The following FRMD4B variants were observed in gnomAD, a reference collection of about 807,000 sequenced individuals.
FRMD4B encodes FERM domain-containing protein 4B.
In FRMD4B, 74 loss-of-function variants were observed where a neutral mutation model predicts 141.5. The ratio of observed to expected loss-of-function variants is 0.52; its 90% CI spans 0.43 to 0.63. The LOEUF (loss-of-function observed/expected upper bound fraction) is 0.63, where lower values mean the gene tolerates loss of function less well. Among genes scored for constraint, FRMD4B ranks in the 30% least tolerant of loss-of-function variants. The pLI is 0.00. For synonymous variants in FRMD4B, 506 were observed against 467.9 expected (o/e 1.08, Z -1.05); for missense variants, 1,366 against 1,253.4 (o/e 1.09, Z -1.36).
intron 7 of FRMD4B, among the ~76,000 whole-genome samples, chr3:69,244,019 T>C (rs1318511740): frequency 6.6e-6 from 1 of 152,166 alleles, no homozygotes; most frequent in Non-Finnish European, 1.5e-5. Context: ...CACTCTAGCC[T>C]GGGCGACAGA....
chr3:69,387,839 T>C (rs1198711143), upstream of FRMD4B, among the ~76,000 whole-genome samples: 2 of 152,196 alleles, frequency 1.3e-5, no homozygotes, highest in African/African-American at 2.4e-5. Flanking sequence ...TTGAATTAGT[T>C]AATAGGACAC....
intron 1 of FRMD4B, among the ~76,000 whole-genome samples, chr3:69,476,927 G>A (rs914807400): frequency 6.6e-6 from 1 of 152,108 alleles, no homozygotes; most frequent in African/African-American, 2.4e-5. Flanking sequence ...CACATCCCTT[G>A]TAAGTTGGAT....
intron 17 of FRMD4B, among the ~76,000 whole-genome samples, 155 bp downstream of exon 17, chr3:69,193,493 A>C (rs1174952534): frequency 6.6e-6 from 1 of 152,212 alleles, no homozygotes; most frequent in African/African-American, 2.4e-5. Context: ...GGGCAACAAG[A>C]GTGAAACTCT....
Position 69,183,082 on chromosome 3 carries a change from C to A in FRMD4B, c.1920-365G>T, listed in dbSNP as rs1230192260. Among the ~76,000 whole-genome samples, 4 of 152,180 alleles carry A rather than the reference C, an allele frequency of 2.6e-5. No homozygotes were observed. In the South Asian group the frequency reaches 8.3e-4, roughly 31 times the overall value. ...AGGGATGGATGTATAATTCAGCAAA[C>A]TCCTTTTTTGTAAACAGTCTAGAAT... is the stretch of plus-strand genomic sequence containing the variant. On this transcript the variant is annotated intron_variant, in intron 19 of 22. Transcript: ENST00000398540.
chr3:69,267,632 TATATAGAGAGAGAGAGAGAG>T (rs1559765485), intron 5 of FRMD4B, among the ~76,000 whole-genome samples: 57 of 10,556 alleles, frequency 5.4e-3, no homozygotes, highest in Non-Finnish European at 0.01. Flanking sequence ...TATATATATA[TATATAGAGAGAGAGAGAGAG>T]AGAGAGAGAG....
At chr3:69,297,528 C>T (rs1180686112) in intron 4 of FRMD4B, among the ~76,000 whole-genome samples, 1 of 152,094 alleles carries the variant, frequency 6.6e-6, no homozygotes, top group Admixed American at 6.6e-5. Flanking sequence ...ATGAAAGATG[C>T]CAAGATTCTG....
At chr3:69,410,236 A>G (rs925332707) in intron 2 of FRMD4B, among the ~76,000 whole-genome samples, 1 of 152,158 alleles carries the variant, frequency 6.6e-6, no homozygotes, top group Non-Finnish European at 1.5e-5. Context: ...CACTCGGGCC[A>G]ATTTCAAGTT....
intron 1 of FRMD4B, among the ~76,000 whole-genome samples, chr3:69,494,611 G>A (rs967896611): frequency 6.6e-6 from 1 of 152,198 alleles, no homozygotes; most frequent in African/African-American, 2.4e-5. Context: ...GAAACAATCA[G>A]CTGGGTGCGG....
At chr3:69,483,113 A>C (rs1478193798) in intron 1 of FRMD4B, among the ~76,000 whole-genome samples, 1 of 152,212 alleles carries the variant, frequency 6.6e-6, no homozygotes, top group African/African-American at 2.4e-5. Flanking sequence ...AAAAGGCAGT[A>C]AATTGAAAGA....
intron 19 of FRMD4B, 104 bp downstream of exon 19, chr3:69,187,666 G>A (rs1257507333): frequency 9.3e-7 from 1 of 1,073,512 alleles, no homozygotes; most frequent in Non-Finnish European, 1.3e-6. Flanking sequence ...TCTTTTGGAA[G>A]GATAAATAAA....
chr3:69,452,035 G>A (rs12496102), intron 1 of FRMD4B, among the ~76,000 whole-genome samples: 39,082 of 152,168 alleles, frequency 0.26, 5,644 homozygotes, highest in East Asian at 0.45. Flanking sequence ...TTACAATATT[G>A]TTGAGACACT....
chr3:69,225,694 CAAAAAAAAAAAAAAAAAAAA>C (rs144489759), intron 7 of FRMD4B, among the ~76,000 whole-genome samples: 2 of 23,358 alleles, frequency 8.6e-5, no homozygotes, highest in African/African-American at 1.8e-4. Flanking sequence ...GACTCCGTCT[CAAAAAAAAAAAAAAAAAAAA>C]AAAAAAAAAA....
At chr3:69,469,736 A>G (rs1440639400) in intron 1 of FRMD4B, among the ~76,000 whole-genome samples, 1 of 152,244 alleles carries the variant, frequency 6.6e-6, no homozygotes, top group Non-Finnish European at 1.5e-5. Context: ...GATAGTGCTA[A>G]GAGCACAGTA....
chr3:69,455,880 C>G (rs1047649336), intron 1 of FRMD4B, among the ~76,000 whole-genome samples: 2 of 152,188 alleles, frequency 1.3e-5, no homozygotes, highest in South Asian at 2.1e-4. Flanking sequence ...GACTTCTACT[C>G]TAGGTTCAGG....
chr3:69,536,376 G>C, intron 1 of FRMD4B: 1 of 703,212 alleles, frequency 1.4e-6, no homozygotes, highest in Non-Finnish European at 2.6e-6. Context: ...TGGCGAGGAG[G>C]CTGCGGCACA....
chr3:69,434,326 T>A (rs966006494), intron 1 of FRMD4B, among the ~76,000 whole-genome samples: 4 of 151,746 alleles, frequency 2.6e-5, no homozygotes, highest in Admixed American at 2.0e-4. Flanking sequence ...ACATCACTTG[T>A]ATTCTGCTAA....
At chr3:69,414,405 A>T (rs908283554) in intron 2 of FRMD4B, among the ~76,000 whole-genome samples, 1 of 152,210 alleles carries the variant, frequency 6.6e-6, no homozygotes, top group Non-Finnish European at 1.5e-5. Flanking sequence ...ACAAATCTAT[A>T]CTATGTGGCT....
At chr3:69,513,473 T>G (rs906316526) in intron 1 of FRMD4B, among the ~76,000 whole-genome samples, 4 of 152,060 alleles carry the variant, frequency 2.6e-5, no homozygotes, top group African/African-American at 9.7e-5. Context: ...CTGCCAAACA[T>G]TTGAAAAAGA....
intron 3 of FRMD4B, among the ~76,000 whole-genome samples, chr3:69,308,348 T>C (rs1191237768): frequency 3.9e-5 from 6 of 152,062 alleles, no homozygotes; most frequent in Admixed American, 3.3e-4. Context: ...CAGCTAGCTA[T>C]CAAGATTCTC....
Sources: gnomAD v4.1 joint callset for allele counts (sites outside exome capture counted in the v4.1 genomes callset) on GRCh38, gnomAD v4.1.1 for gene constraint, MANE v1.5 for transcripts, NCBI Gene and HGNC (gene_info 2026-07-23, HGNC 2026-07-21) for gene names.